Variants in IDE observed in about 807,000 individuals in gnomAD.
IDE encodes the protein insulin degrading enzyme, also known as insulin-degrading enzyme.
In IDE, 58 loss-of-function variants were observed where a neutral mutation model predicts 133.2. The observed-to-expected ratio is 0.44, with a 90% CI of 0.35 to 0.54. The LOEUF is 0.54. Ranked by LOEUF, IDE falls within the 20% of genes least tolerant of loss-of-function variation. The pLI is 0.00. For missense variants in IDE, 981 were observed against 1,234.0 expected (o/e 0.79, Z 3.07); for synonymous variants, 396 against 421.3 (o/e 0.94, Z 0.73).
At chr10:92,544,527 A>G (rs549226376) in intron 1 of IDE, among the ~76,000 whole-genome samples, 1 of 152,346 alleles carries the variant, frequency 6.6e-6, no homozygotes, top group Admixed American at 6.5e-5. Context: ...ACTACAGAGA[A>G]AGAGGAAGCG....
chr10:92,560,531 C>G (rs533973769), intron 1 of IDE, among the ~76,000 whole-genome samples: 2 of 152,032 alleles, frequency 1.3e-5, no homozygotes, highest in African/African-American at 2.4e-5. Flanking sequence ...ACCTGTAATC[C>G]CAGCACTTCG....
chr10:92,462,875 T>C (rs1447943222), intron 21 of IDE, among the ~76,000 whole-genome samples: 1 of 152,036 alleles, frequency 6.6e-6, no homozygotes, highest in African/African-American at 2.4e-5. Context: ...GACAGTATTA[T>C]CATTAATAGT....
intron 9 of IDE, among the ~76,000 whole-genome samples, chr10:92,506,977 C>A (rs1304651056): frequency 6.6e-6 from 1 of 152,036 alleles, no homozygotes; most frequent in Non-Finnish European, 1.5e-5. Context: ...AAACTTTTAT[C>A]TAGTTAAAAA....
chr10:92,508,559 G>GAAAAAAA (rs5787000), intron 7 of IDE, among the ~76,000 whole-genome samples, 169 bp downstream of exon 7: 2 of 130,604 alleles, frequency 1.5e-5, no homozygotes, highest in Admixed American at 7.8e-5. Context: ...ATCTAAAAAA[G>GAAAAAAA]AAAAAAAAAA....
chr10:92,558,845 T>A (rs1356478439), intron 1 of IDE: 3 of 151,748 alleles, frequency 2.0e-5, no homozygotes, highest in Non-Finnish European at 4.4e-5. Flanking sequence ...TCCACCTGCC[T>A]CATCCTCCCA....
chr10:92,553,379 A>G (rs1987122), intron 1 of IDE, among the ~76,000 whole-genome samples: 128,224 of 151,178 alleles, frequency 0.85, 54,653 homozygotes, highest in African/African-American at 0.93. Context: ...AGCCAAGACT[A>G]TGCCACTGCA....
intron 4 of IDE, among the ~76,000 whole-genome samples, chr10:92,529,977 G>A (rs998080431): frequency 3.3e-5 from 5 of 152,134 alleles, no homozygotes; most frequent in Admixed American, 6.5e-5. Context: ...TGTAATCCCA[G>A]CACTTTGGAA....
intron 10 of IDE, 41 bp downstream of exon 10, chr10:92,506,401 T>C (rs969874753): frequency 5.6e-6 from 5 of 894,466 alleles, no homozygotes; most frequent in Non-Finnish European, 7.1e-6. Flanking sequence ...GCTGAAATAC[T>C]CCACACAGCA....
At chr10:92,524,553 T>A (rs1412563061) in intron 4 of IDE, among the ~76,000 whole-genome samples, 16 of 76,944 alleles carry the variant, frequency 2.1e-4, no homozygotes, top group East Asian at 8.4e-4. Context: ...ATTATATATA[T>A]ATTTTATATA....
In IDE at chr10:92,453,574, A is replaced by G. The variant is rs1844844943; in HGVS notation, c.*870T>C. 6.6e-6 allele frequency: 1 copy of G among 152,216 alleles called. No individual in the cohort carries two copies. The highest frequency in any genetic ancestry group is 1.5e-5 in the Non-Finnish European group (1 of 68,036). 9.4% of individuals were successfully genotyped at this position (152,216 alleles called of 1,614,324 possible). Reference sequence around the variant, plus strand: ...ATAAAAAGTTATACAGGTGGTTACAAAAAGCTGATGTTGGAAAAGCATGTC... The same window carrying G: ...ATAAAAAGTTATACAGGTGGTTACAGAAAGCTGATGTTGGAAAAGCATGTC... On this transcript the variant is annotated 3_prime_UTR_variant, in exon 25 of 25. Coordinates refer to ENST00000265986, the MANE Select transcript of IDE (RefSeq NM_004969.4).
intron 19 of IDE, among the ~76,000 whole-genome samples, chr10:92,467,160 A>G (rs994179355): frequency 6.6e-6 from 1 of 151,624 alleles, no homozygotes; most frequent in Admixed American, 6.6e-5. Flanking sequence ...TTGCAGCCTC[A>G]ACCTCCTGGG....
chr10:92,486,126 C>T (rs1204450711), intron 13 of IDE, among the ~76,000 whole-genome samples: 1 of 151,996 alleles, frequency 6.6e-6, no homozygotes, highest in Non-Finnish European at 1.5e-5. Context: ...AGGCAGGTGG[C>T]TCCCCTGAGG....
intron 1 of IDE, among the ~76,000 whole-genome samples, chr10:92,561,607 A>C (rs981420630): frequency 4.4e-4 from 66 of 151,712 alleles, no homozygotes; most frequent in Admixed American, 1.6e-3. Context: ...CAAAAAAAAA[A>C]AAAAATTAGC....
intron 24 of IDE, 77 bp downstream of exon 24, chr10:92,455,499 A>G (rs1047843498): frequency 1.0e-6 from 1 of 957,712 alleles, no homozygotes; most frequent in African/African-American, 1.6e-5. Context: ...AAAACAAAAA[A>G]CAAAAAAAAC....
chr10:92,547,788 A>C (rs2135742819), intron 1 of IDE, among the ~76,000 whole-genome samples: 1 of 152,260 alleles, frequency 6.6e-6, no homozygotes, highest in South Asian at 2.1e-4. Flanking sequence ...CACTGTCTGC[A>C]CTGATCTACT....
chr10:92,542,592 G>C (rs1258389682), intron 1 of IDE, among the ~76,000 whole-genome samples: 2 of 152,226 alleles, frequency 1.3e-5, no homozygotes, highest in Non-Finnish European at 2.9e-5. Context: ...ACCCAGCCCA[G>C]GTCATTATCT....
At chr10:92,490,405 A>G (rs1469089718) in intron 12 of IDE, 88 bp downstream of exon 12, 1 of 808,368 alleles carries the variant, frequency 1.2e-6, no homozygotes, top group East Asian at 2.4e-5. Context: ...AGTCTTCCAC[A>G]CTCTGGGGCC....
chr10:92,509,934 A>AG, intron 6 of IDE, 116 bp downstream of exon 6: 1 of 564,346 alleles, frequency 1.8e-6, no homozygotes, highest in East Asian at 2.9e-5. Flanking sequence ...AAAAAAAAAA[A>AG]AAAAACACAA....
intron 11 of IDE, among the ~76,000 whole-genome samples, chr10:92,502,464 T>C (rs1848074811): frequency 2.0e-5 from 3 of 152,224 alleles, no homozygotes; most frequent in South Asian, 4.1e-4. Flanking sequence ...TATATAGATA[T>C]GCAGTTGATT....
Sources: gnomAD v4.1 joint callset for allele counts (sites outside exome capture counted in the v4.1 genomes callset) on GRCh38, gnomAD v4.1.1 for gene constraint, MANE v1.5 for transcripts, NCBI Gene and HGNC (gene_info 2026-07-23, HGNC 2026-07-21) for gene names.